The following TNXB variants were observed in gnomAD, a reference collection of about 807,000 sequenced individuals.
The protein encoded by TNXB is tenascin-X.
TNXB carries 183 observed loss-of-function variants against 340.5 expected under a neutral mutation model. The observed-to-expected ratio is 0.54, with a 90% CI of 0.48 to 0.61. The LOEUF (loss-of-function observed/expected upper bound fraction) is 0.61, where lower values mean the gene tolerates loss of function less well. TNXB is among the 20% of genes least tolerant of loss of function. The pLI is 0.00. For missense variants in TNXB, 4,613 were observed against 5,446.4 expected (o/e 0.85, Z 4.82); for synonymous variants, 2,121 against 2,314.5 (o/e 0.92, Z 2.40).
At chr6:32,054,442 G>A (rs1462119549) in intron 24 of TNXB, among the ~76,000 whole-genome samples, 4 of 152,190 alleles carry the variant, frequency 2.6e-5, no homozygotes, top group Non-Finnish European at 5.9e-5. Flanking sequence ...TCCACCAACT[G>A]CAAAGGACAC....
At position 32,050,214 on chromosome 6, in the gene TNXB, A is replaced by T. The variant is rs760227792; in HGVS notation, c.9223T>A (p.Ser3075Thr). The part of the protein sequence containing the change: ...ELTVTDATPD[S>T]LSLSWMVPEG... ...GGAACCATCCAGGACAGGCTGAGGGAGTCGGGGGTGGCATCTGTCACGGTC... is the reference window on the plus strand; with the variant it reads ...GGAACCATCCAGGACAGGCTGAGGGTGTCGGGGGTGGCATCTGTCACGGTC... Residue 3075 changes from serine (S) to threonine (T), a missense_variant, in exon 27 of 44, where the codon TCC becomes ACC. Around this residue, in one of 7 missense-constraint regions of TNXB, gnomAD observed 4,327 missense variants for 4,859.4 expected, o/e 0.89. Transcript: ENST00000644971. The T allele has an allele frequency of 9.9e-6, 16 of 1,613,674 alleles. No individual in the cohort carries two copies. Among genetic ancestry groups the T allele is most frequent in the Non-Finnish European group, 1.4e-5 (16 of 1,179,860 alleles).
chr6:32,046,529 T>C lies in TNXB; in HGVS notation c.10325-73A>G. On this transcript the variant is annotated intron_variant, in intron 30 of 43. Transcript: ENST00000644971. The surrounding 1 kb of genome is among the most constrained non-coding windows in gnomAD (Gnocchi z 6.9). ...CTAAGCCCTGGCAGCCTCCCGGAGG[T>C]GTGAGGTTCTGGGAAATGGTCCCTC... The C allele has an allele frequency of 2.2e-6, 3 of 1,367,154 alleles. No individual in the cohort carries two copies. The highest frequency in any genetic ancestry group is 2.9e-6 in the Non-Finnish European group (3 of 1,028,216). 84.7% of individuals were successfully genotyped at this position (1,367,154 alleles called of 1,614,324 possible).
chr6:32,105,522 T>C lies in TNXB; in HGVS notation c.-9+3659A>G, dbSNP rs915042931. Among the ~76,000 whole-genome samples, 4 of 152,164 alleles carry C rather than the reference T, an allele frequency of 2.6e-5. No individual in the cohort carries two copies. In the East Asian group the frequency reaches 7.7e-4, roughly 29 times the overall value. ...CTGCTGTATCCCTGCATCTGGCACA[T>C]AACTGGTGCTCAATAAATATTTACC... On this transcript the variant is annotated intron_variant, in intron 1 of 43. Transcript: ENST00000644971.
chr6:32,076,027 A>G (rs561774931), intron 11 of TNXB, among the ~76,000 whole-genome samples: 6 of 152,202 alleles, frequency 3.9e-5, no homozygotes, highest in African/African-American at 1.4e-4. Context: ...GGTGGGAGGG[A>G]GCAGAGTGAC....
In TNXB at chr6:32,043,843, G is replaced by A. The variant is rs1358676559; in HGVS notation, c.11436C>T (p.Leu3812=). ...AGCGAGCGCCTGGGATCAGCCCCTG[G>A]AGTTTCTGGGTCCGGGCCTGGCCAT... The part of the protein sequence containing the change: ...QVDGQARTQK[L]QGLIPGARYE... The change falls in exon 35 of 44, where the codon CTC becomes CTT. Residue 3812 remains leucine (L), a synonymous_variant. Transcript: ENST00000644971. 1 of 1,613,740 alleles carries A rather than the reference G, an allele frequency of 6.2e-7. No homozygotes were observed. The highest frequency in any genetic ancestry group is 8.5e-7 in the Non-Finnish European group (1 of 1,180,004).
chr6:32,105,691 C>G (rs1027930869), intron 1 of TNXB, among the ~76,000 whole-genome samples: 10 of 152,194 alleles, frequency 6.6e-5, no homozygotes, highest in Admixed American at 5.9e-4. Context: ...AGGGCTGAGG[C>G]AGAATCAGAG....
Position 32,043,879 on chromosome 6 carries a change from A to C in TNXB, c.11400T>G (p.Ser3800Arg), listed in dbSNP as rs1776634824. ...YQLADGGEPQSVQVDGQARTQ... is the reference protein window; with the variant it reads ...YQLADGGEPQRVQVDGQARTQ... The stretch of plus-strand genomic sequence containing the variant: ...TCCGGGCCTGGCCATCCACCTGCAC[A>C]CTCTGAGGCTCCCCTGAAAACATTG... Residue 3800 changes from serine (S) to arginine (R), a missense_variant, in exon 35 of 44, where the codon AGT (serine) becomes AGG (arginine). Physicochemically the swap from Ser to Arg is moderately radical, Grantham distance 110. Around this residue, in one of 7 missense-constraint regions of TNXB, gnomAD observed 114 missense variants for 104.5 expected, o/e 1.09. Coordinates refer to ENST00000644971, the MANE Select transcript of TNXB (RefSeq NM_001365276.2). 3.7e-6 allele frequency: 6 copies of C among 1,613,332 alleles called. No homozygotes were observed. In the South Asian group the frequency reaches 6.6e-5, roughly 18 times the overall value.
At position 32,108,968 on chromosome 6, in the gene TNXB, C is replaced by T. The variant is rs1379316016; in HGVS notation, c.-9+213G>A. Among the ~76,000 whole-genome samples the T allele has an allele frequency of 2.6e-5, 4 of 152,174 alleles. No homozygotes were observed. The highest frequency in any genetic ancestry group is 5.9e-5 in the Non-Finnish European group (4 of 68,020). ...CCAAACCCTGACACATACTGCCCAC[C>T]CCAACACACACATACCACCCTCTCC... On this transcript the variant is annotated intron_variant, in intron 1 of 43. Transcript: ENST00000644971. The surrounding 1 kb of genome is among the most constrained non-coding windows in gnomAD (Gnocchi z 4.8).
intron 4 of TNXB, chr6:32,093,546 C>T (rs1273597623): frequency 1.8e-6 from 1 of 544,950 alleles, no homozygotes; most frequent in Non-Finnish European, 3.3e-6. Context: ...CCTTCCGAGG[C>T]TTTAGGCCCA....
chr6:32,042,243 C>T lies in TNXB; in HGVS notation c.12307+23G>A. ...GGGCCCCCATCCCCATCCGTAGTTCCCCAGTCCCTGTGAGGCACTGACCCA... is the reference window on the plus strand; with the variant it reads ...GGGCCCCCATCCCCATCCGTAGTTCTCCAGTCCCTGTGAGGCACTGACCCA... On this transcript the variant is annotated intron_variant, in intron 41 of 43. Transcript: ENST00000644971. 2.9e-6 allele frequency: 3 copies of T among 1,029,350 alleles called. No individual in the cohort carries two copies. The South Asian group carries it at 4.0e-5, about 14-fold the overall frequency. The allele number at this position is 1,029,350 out of a possible 1,614,324, so 63.8% of individuals were successfully genotyped here. A position where few individuals can be genotyped will look rare whatever the true frequency, so the allele number is the denominator to read the frequency against.
In TNXB at chr6:32,062,364, G is replaced by T. The variant is rs772343865; in HGVS notation, c.6961C>A (p.Leu2321Met). ...VTDATPDSLS[L>M]SWTVPEGQFD... ...TGTCCCTCGGGAACCGTCCAGGACAGGCTGAGGGAGTCAGGGGTCGCATCT... is the reference window on the plus strand; with the variant it reads ...TGTCCCTCGGGAACCGTCCAGGACATGCTGAGGGAGTCAGGGGTCGCATCT... Residue 2321 changes from leucine (L) to methionine (M), a missense_variant, in exon 20 of 44, where the codon CTG becomes ATG. Leu to Met is a conservative substitution (Grantham distance 15). This residue lies in a region of TNXB where 4,327 missense variants were observed against 4,859.4 expected (regional missense o/e 0.89). Transcript: ENST00000644971. This position sits in a 1 kb window ranked among gnomAD's most constrained non-coding sequence, Gnocchi z 4.3. The T allele has an allele frequency of 2.1e-5, 34 of 1,613,532 alleles. No homozygotes were observed. In the Admixed American group the frequency reaches 5.5e-4, roughly 26 times the overall value.
At position 32,082,208 on chromosome 6, in the gene TNXB, G is replaced by A. The variant is rs574360992; in HGVS notation, c.3564C>T (p.Thr1188=). The A allele has an allele frequency of 6.2e-7, 1 of 1,612,370 alleles. No homozygotes were observed. Among genetic ancestry groups the A allele is most frequent in the South Asian group, 1.1e-5 (1 of 90,980 alleles). ...CCCTGTCCCTGTACTGGACCATGAA[G>A]GTGTCAAACTGGCCCTCAGGGACAG... ...SWTVPEGQFD[T]FMVQYRDRDG... is the part of the protein sequence containing the mutation. Residue 1188 remains threonine, a synonymous_variant, in exon 9 of 44, where the codon ACC becomes ACT. Coordinates refer to ENST00000644971, the MANE Select transcript of TNXB (RefSeq NM_001365276.2). The surrounding 1 kb of genome is among the most constrained non-coding windows in gnomAD (Gnocchi z 5.0).
In TNXB at chr6:32,061,593, G is replaced by A. The variant is rs753041189; in HGVS notation, c.7296C>T (p.Thr2432=). Residue 2432 remains threonine, a synonymous_variant, in exon 21 of 44, where the codon ACC becomes ACT. Transcript: ENST00000644971. The surrounding 1 kb of genome is among the most constrained non-coding windows in gnomAD (Gnocchi z 4.4). ...AGGAGTCGAAGCGGCCCTGGGGGAC[G>A]GTCCAGGAGAGGCTCAGCGAGTCAG... ...SSPDSLSLSW[T]VPQGRFDSFT... is the part of the protein sequence containing the mutation. 188 of 1,613,082 alleles carry A rather than the reference G, an allele frequency of 1.2e-4. No homozygotes were observed. The highest frequency in any genetic ancestry group is 1.4e-4 in the Non-Finnish European group (162 of 1,179,898).
At position 32,095,710 on chromosome 6, in the gene TNXB, C is replaced by T; in HGVS notation, c.2143G>A (p.Ala715Thr). ...CAGTCCCCTGGGCATGTCTGGATGG[C>T]ACAGTCAGGGCCTCGGAAGCCCTCT... is the stretch of plus-strand genomic sequence containing the variant. The part of the protein sequence containing the change: ...CVEGFRGPDC[A>T]IQTCPGDCRG... The change falls in exon 3 of 44, where the codon GCC (alanine) becomes ACC (threonine). Residue 715 changes from alanine (A) to threonine (T), a missense_variant. By Grantham distance (58) the Ala-to-Thr change is moderately conservative. Transcript: ENST00000644971. 1 of 1,613,954 alleles carries T rather than the reference C, an allele frequency of 6.2e-7. No individual in the cohort carries two copies. Among genetic ancestry groups the T allele is most frequent in the Non-Finnish European group, 8.5e-7 (1 of 1,179,880 alleles).
Position 32,058,223 on chromosome 6 carries a change from CGGTGAAGGAGTCAAAGCG to C in TNXB, c.7642_7659del (p.Arg2548_Thr2553del). On this transcript the variant is annotated inframe_deletion, in exon 22 of 44. Coordinates refer to ENST00000644971, the MANE Select transcript of TNXB (RefSeq NM_001365276.2). The surrounding 1 kb of genome is among the most constrained non-coding windows in gnomAD (Gnocchi z 5.1). ...CGCCCGTCCCTGTCCTTGTACTGCA[CGGTGAAGGAGTCAAAGCG>C]GCCCTGGGGGACGGTCCAGGAAAGG... 3.1e-6 allele frequency: 5 copies of C among 1,612,402 alleles called. No individual in the cohort carries two copies. The highest frequency in any genetic ancestry group is 4.2e-6 in the Non-Finnish European group (5 of 1,179,852).
intron 1 of TNXB, among the ~76,000 whole-genome samples, chr6:32,099,233 CACTTT>C (rs1780587257): frequency 2.4e-5 from 2 of 81,778 alleles, no homozygotes; most frequent in African/African-American, 9.8e-5. Context: ...CTCTCTCTCT[CACTTT>C]TTTTTTTTTT....
Position 32,062,521 on chromosome 6 carries a change from G to T in TNXB, c.6842-38C>A. 1.3e-6 allele frequency: 2 copies of T among 1,535,100 alleles called. No homozygotes were observed. The highest frequency in any genetic ancestry group is 1.8e-6 in the Non-Finnish European group (2 of 1,136,382). ...ATAGAATGGGTGGGCATGCCTGGTG[G>T]GCCTCCTTTTAACCAAGGGACTCTG... On this transcript the variant is annotated intron_variant, in intron 19 of 43. Coordinates refer to ENST00000644971, the MANE Select transcript of TNXB (RefSeq NM_001365276.2). This position sits in a 1 kb window ranked among gnomAD's most constrained non-coding sequence, Gnocchi z 4.3.
Position 32,096,013 on chromosome 6 carries a change from C to T in TNXB, c.1840G>A (p.Glu614Lys). 5 of 1,613,060 alleles carry T rather than the reference C, an allele frequency of 3.1e-6. No individual in the cohort carries two copies. The highest frequency in any genetic ancestry group is 4.2e-6 in the Non-Finnish European group (5 of 1,179,778). The change falls in exon 3 of 44, where the codon GAG becomes AAG. Residue 614 changes from glutamate (E) to lysine (K), a missense_variant. Physicochemically the swap from Glu to Lys is moderately conservative, Grantham distance 56. Around this residue, in one of 7 missense-constraint regions of TNXB, gnomAD observed 4,327 missense variants for 4,859.4 expected, o/e 0.89. Transcript: ENST00000644971. ...GGGCAGGTGCGGATGCTGCAGTCCT[C>T]ACTCACGTAGCCTTCCCAACAGATG... Reference protein sequence around the residue: ...VCICWEGYVSEDCSIRTCPSN... With the variant: ...VCICWEGYVSKDCSIRTCPSN...
At chr6:32,092,023 A>G (rs1283791889) in intron 4 of TNXB, among the ~76,000 whole-genome samples, 1 of 152,216 alleles carries the variant, frequency 6.6e-6, no homozygotes, top group Non-Finnish European at 1.5e-5. Flanking sequence ...TTTCTCATTC[A>G]GGAACTCATC....
Sources: gnomAD v4.1 joint callset for allele counts (sites outside exome capture counted in the v4.1 genomes callset) on GRCh38, gnomAD v4.1.1 for gene constraint, gnomAD v4.1.1 regional missense constraint, Gnocchi (gnomAD v3.1) non-coding constraint, MANE v1.5 for transcripts, NCBI Gene and HGNC (gene_info 2026-07-23, HGNC 2026-07-21) for gene names.